The following KATNAL2 variants were observed in gnomAD, a reference collection of about 807,000 sequenced individuals.
KATNAL2 encodes the protein katanin catalytic subunit A1 like 2.
Under a neutral mutation model 76.3 loss-of-function variants are expected in KATNAL2, and 52 were observed. That is an observed-to-expected ratio of 0.68 (90% confidence interval 0.55 to 0.86). KATNAL2 has a LOEUF of 0.86. Ranked by LOEUF, KATNAL2 falls within the 40% of genes least tolerant of loss-of-function variation. KATNAL2 has a pLI of 0.00. For missense variants in KATNAL2, 660 were observed against 668.9 expected, an observed-to-expected ratio of 0.99 and a Z score of 0.15; for synonymous variants, 243 against 244.2, an observed-to-expected ratio of 1.00 and a Z score of 0.05.
At chr18:47,037,940 C>T (rs1569062510) in intron 3 of KATNAL2, among the ~76,000 whole-genome samples, 1 of 152,046 alleles carries the variant, frequency 6.6e-6, no homozygotes, top group Non-Finnish European at 1.5e-5. Context: ...CCACCTTGGC[C>T]TCCCAAATTG....
In KATNAL2 at chr18:46,946,916, G is replaced by A; in HGVS notation, c.44G>A (p.Arg15Gln). 6.5e-7 allele frequency: 1 copy of A among 1,531,756 alleles called. No homozygotes were observed. Among genetic ancestry groups the A allele is most frequent in the African/African-American group, 1.4e-5 (1 of 73,084 alleles). The allele number at this position is 1,531,756 out of a possible 1,614,324, so 94.9% of individuals were successfully genotyped here. A position where few individuals can be genotyped will look rare whatever the true frequency, so the allele number is the denominator to read the frequency against. Reference protein sequence around the residue: ...YQTLKFTHQAREACEMRTEAR... With the variant: ...YQTLKFTHQAQEACEMRTEAR... ...ACCCTGAAATTCACGCATCAGGCGC[G>A]GGAAGCGGTAAGGAACGCATATATA... is the stretch of plus-strand genomic sequence containing the variant. The change falls in exon 3 of 18, where the codon CGG becomes CAG. Residue 15 changes from arginine to glutamine, a missense_variant. Arg to Gln is a conservative substitution (Grantham distance 43). Coordinates refer to ENST00000683218, the MANE Select transcript of KATNAL2 (RefSeq NM_001387690.1).
At chr18:46,918,627 G>A (rs1238036109) in intron 1 of KATNAL2, among the ~76,000 whole-genome samples, 2 of 152,110 alleles carry the variant, frequency 1.3e-5, no homozygotes, top group Non-Finnish European at 2.9e-5. Context: ...TCTCCAAGTT[G>A]GTCAGGCTGG....
chr18:47,053,756 C>A (rs2061399269), intron 5 of KATNAL2, among the ~76,000 whole-genome samples: 1 of 152,222 alleles, frequency 6.6e-6, no homozygotes, highest in Non-Finnish European at 1.5e-5. Flanking sequence ...AGGGCCAGAT[C>A]TCAGAGCTAG....
chr18:47,055,658 A>G (rs778311657), intron 6 of KATNAL2, among the ~76,000 whole-genome samples: 17 of 152,260 alleles, frequency 1.1e-4, no homozygotes, highest in Non-Finnish European at 2.1e-4. Flanking sequence ...CCACAAAGTT[A>G]GTCAGACTCT....
At chr18:46,920,256 C>T (rs2146462097) in intron 1 of KATNAL2, 1 of 412,364 alleles carries the variant, frequency 2.4e-6, no homozygotes, top group Non-Finnish European at 4.8e-6. Context: ...CTGATTAGTA[C>T]TGAGCATTTA....
At chr18:47,084,486 T>C (rs1365919668) in intron 15 of KATNAL2, 1 of 684,366 alleles carries the variant, frequency 1.5e-6, no homozygotes, top group Non-Finnish European at 2.7e-6. Context: ...TGGCCTGGTA[T>C]GTTCAGGAGA....
In KATNAL2 at chr18:47,046,665, C is replaced by T. The variant is rs950551013; in HGVS notation, c.122+138C>T. On this transcript the variant is annotated intron_variant, in intron 4 of 17. Transcript: ENST00000683218. ...TTACAGAAAAATCGAGCAGAAAGTA[C>T]AGAGTTCTGTATGCCCCTTCCCTTT... 5.9e-5 allele frequency: 40 copies of T among 678,330 alleles called. No homozygotes were observed. In the Admixed American group the frequency reaches 1.0e-3, roughly 17 times the overall value. The allele number at this position is 678,330 out of a possible 1,614,324, so 42.0% of individuals were successfully genotyped here.
In KATNAL2 at chr18:47,067,069, C is replaced by A. The variant is rs1411488080; in HGVS notation, c.775C>A (p.Leu259Ile). The part of the protein sequence containing the change: ...PNIKWNDIIG[L>I]DAAKQLVKEA... ...CATAAAGTGGAATGACATTATTGGACTTGATGCAGCCAAGCAGTTAGTCAA... is the reference window on the plus strand; with the variant it reads ...CATAAAGTGGAATGACATTATTGGAATTGATGCAGCCAAGCAGTTAGTCAA... The change falls in exon 11 of 18, where the codon CTT becomes ATT. Residue 259 changes from leucine to isoleucine, a missense_variant. Physicochemically the swap from Leu to Ile is conservative, Grantham distance 5. Transcript: ENST00000683218. 1.3e-6 allele frequency: 2 copies of A among 1,588,686 alleles called. No individual in the cohort carries two copies. Among genetic ancestry groups the A allele is most frequent in the African/African-American group, 1.3e-5 (1 of 74,502 alleles).
intron 15 of KATNAL2, among the ~76,000 whole-genome samples, chr18:47,097,118 C>CAAAAAAAAAAAAAA (rs58101085): frequency 1.4e-5 from 1 of 70,908 alleles, no homozygotes; most frequent in Non-Finnish European, 3.2e-5. Context: ...GACCCTGGCT[C>CAAAAAAAAAAAAAA]AAAAAAAAAA....
At chr18:47,037,486 A>G (rs1283309407) in intron 3 of KATNAL2, among the ~76,000 whole-genome samples, 1 of 152,216 alleles carries the variant, frequency 6.6e-6, no homozygotes, top group Non-Finnish European at 1.5e-5. Context: ...GGGGCACACC[A>G]TCTCTTACAG....
At chr18:47,074,662 AT>A (rs1429021480) in intron 13 of KATNAL2, among the ~76,000 whole-genome samples, 3 of 151,990 alleles carry the variant, frequency 2.0e-5, no homozygotes, top group Admixed American at 6.6e-5. Context: ...AGTCTATAAT[AT>A]TTTATTTTAT....
At chr18:47,087,030 A>G (rs541348722) in intron 15 of KATNAL2, among the ~76,000 whole-genome samples, 1 of 152,346 alleles carries the variant, frequency 6.6e-6, no homozygotes, top group East Asian at 1.9e-4. Flanking sequence ...AAATAGGAGA[A>G]TTAGAAAAAA....
intron 3 of KATNAL2, among the ~76,000 whole-genome samples, chr18:46,955,790 C>T (rs1197990078): frequency 6.6e-6 from 1 of 152,146 alleles, no homozygotes; most frequent in South Asian, 2.1e-4. Context: ...TGTCCTCACA[C>T]AATCCTCCCA....
chr18:47,081,276 G>C (rs1468385508), intron 15 of KATNAL2, among the ~76,000 whole-genome samples: 1 of 152,068 alleles, frequency 6.6e-6, no homozygotes, highest in Non-Finnish European at 1.5e-5. Flanking sequence ...CTGTCTAATA[G>C]AAATATAATA....
At chr18:47,054,364 TTC>T in intron 5 of KATNAL2, 30 bp from the exon 6 acceptor site, 3 of 1,588,472 alleles carry the variant, frequency 1.9e-6, no homozygotes, top group Non-Finnish European at 1.7e-6. Context: ...TAAAATTATT[TTC>T]TTTCCCTCCC....
intron 15 of KATNAL2, among the ~76,000 whole-genome samples, chr18:47,089,760 G>C (rs2062920770): frequency 6.6e-6 from 1 of 152,040 alleles, no homozygotes; most frequent in Non-Finnish European, 1.5e-5. Flanking sequence ...CTATTGATTA[G>C]AACTAATGAT....
At chr18:47,041,736 G>T (rs994476936) in intron 3 of KATNAL2, among the ~76,000 whole-genome samples, 38 of 152,286 alleles carry the variant, frequency 2.5e-4, no homozygotes, top group Non-Finnish European at 4.7e-4. Flanking sequence ...CAATTGTTGG[G>T]TCAGAGTAAT....
chr18:46,925,665 C>T (rs1395936168), intron 1 of KATNAL2, among the ~76,000 whole-genome samples: 2 of 152,166 alleles, frequency 1.3e-5, no homozygotes, highest in Non-Finnish European at 1.5e-5. Context: ...ATGGTACCAG[C>T]TCCTCTTTGT....
intron 3 of KATNAL2, chr18:47,033,901 G>A: frequency 6.2e-7 from 1 of 1,613,404 alleles, no homozygotes; most frequent in Non-Finnish European, 8.5e-7. Context: ...GACATGGCTG[G>A]GCACCGTTTT....
Sources: allele counts gnomAD v4.1 joint callset (sites outside exome capture counted in the v4.1 genomes callset), GRCh38; gene constraint gnomAD v4.1.1; transcripts MANE v1.5; gene names NCBI Gene and HGNC (gene_info 2026-07-23, HGNC 2026-07-21).